The following CDHR2 variants were observed in gnomAD, a reference collection of about 807,000 sequenced individuals.
CDHR2 encodes cadherin related family member 2.
CDHR2 carries 104 observed loss-of-function variants against 138.6 expected under a neutral mutation model. The observed-to-expected ratio is 0.75, with a 90% CI of 0.64 to 0.88. The LOEUF is 0.88. CDHR2 is among the 40% of genes least tolerant of loss of function. The pLI is 0.00. For missense variants in CDHR2, 1,624 were observed against 1,727.6 expected (o/e 0.94, Z 1.06); for synonymous variants, 755 against 742.8 (o/e 1.02, Z -0.27).
intron 1 of CDHR2, among the ~76,000 whole-genome samples, chr5:176,550,723 T>C (rs1581127678): frequency 6.6e-6 from 1 of 152,134 alleles, no homozygotes; most frequent in South Asian, 2.1e-4. Context: ...CGTGGCTGAG[T>C]GCACCCCGGG....
chr5:176,572,880 C>T (rs1218036158), intron 6 of CDHR2, among the ~76,000 whole-genome samples: 1 of 152,198 alleles, frequency 6.6e-6, no homozygotes, highest in Non-Finnish European at 1.5e-5. Flanking sequence ...AGCAGCTCAC[C>T]TTCTAGGGAA....
intron 30 of CDHR2, 78 bp downstream of exon 30, chr5:176,591,562 GTGGTGATGA>G (rs1269936455): frequency 3.4e-5 from 37 of 1,092,116 alleles, no homozygotes; most frequent in Non-Finnish European, 4.8e-5. Context: ...GATGGTGTTG[GTGGTGATGA>G]TGGTGATGAC....
rs759639452 is a variant in CDHR2 at position 176,576,186 on chromosome 5, G to T, written c.1194+1G>T. ...CATGGTGGTCTACGACCCGGACAAG[G>T]CAGGCGTGGTGGCGTGGGTGTGGGC... is the stretch of plus-strand genomic sequence containing the variant. On this transcript the variant is annotated splice_donor_variant, in intron 12 of 31. Coordinates refer to ENST00000261944, the MANE Select transcript of CDHR2 (RefSeq NM_017675.6). LOFTEE classifies it high-confidence loss of function. This position sits in a 1 kb window ranked among gnomAD's most constrained non-coding sequence, Gnocchi z 4.5. 3 of 1,606,022 alleles carry T rather than the reference G, an allele frequency of 1.9e-6. No homozygotes were observed. The African/African-American group carries it at 4.0e-5, about 21-fold the overall frequency.
chr5:176,581,318 G>T lies in CDHR2; in HGVS notation c.1819-25G>T. 4 of 1,609,590 alleles carry T rather than the reference G, an allele frequency of 2.5e-6. No individual in the cohort carries two copies. The South Asian group carries it at 3.3e-5, about 13-fold the overall frequency. Reference sequence around the variant, plus strand: ...GGGGCTGGGAATGCCGATGGCCGATGACCAACCCCTGCTTACGTGCACAGG... The same window carrying T: ...GGGGCTGGGAATGCCGATGGCCGATTACCAACCCCTGCTTACGTGCACAGG... On this transcript the variant is annotated intron_variant, in intron 16 of 31. Transcript: ENST00000261944.
At chr5:176,582,460 G>T (rs1758554489) in intron 17 of CDHR2, among the ~76,000 whole-genome samples, 2 of 152,198 alleles carry the variant, frequency 1.3e-5, no homozygotes, top group African/African-American at 4.8e-5. Context: ...AAGTCACTGA[G>T]CCCGGTTTAT....
chr5:176,594,320 G>A (rs1325206824), intron 31 of CDHR2, among the ~76,000 whole-genome samples: 1 of 152,160 alleles, frequency 6.6e-6, no homozygotes, highest in Non-Finnish European at 1.5e-5. Flanking sequence ...GGGCCTTTTT[G>A]GGAGCTGTCT....
intron 16 of CDHR2, among the ~76,000 whole-genome samples, chr5:176,579,231 A>T (rs1343946105): frequency 6.6e-6 from 1 of 152,222 alleles, no homozygotes; most frequent in Admixed American, 6.5e-5. Flanking sequence ...AGGTCCTCAG[A>T]GTGACAATCT....
At chr5:176,587,175 C>T (rs550784950) in intron 21 of CDHR2, among the ~76,000 whole-genome samples, 26 of 152,186 alleles carry the variant, frequency 1.7e-4, no homozygotes, top group African/African-American at 1.4e-4. Flanking sequence ...CAGCTGGGCA[C>T]GGTGGCTCAA....
At chr5:176,569,324 C>G (rs1186449756) in intron 5 of CDHR2, among the ~76,000 whole-genome samples, 1 of 148,530 alleles carries the variant, frequency 6.7e-6, no homozygotes, top group Non-Finnish European at 1.5e-5. Context: ...CGCTCTGTCG[C>G]CCAGGCTGGA....
chr5:176,582,351 T>C (rs565522413), intron 17 of CDHR2, among the ~76,000 whole-genome samples: 20 of 152,292 alleles, frequency 1.3e-4, no homozygotes, highest in Non-Finnish European at 2.1e-4. Context: ...TTATTTTTCA[T>C]AGAATCAGAG....
chr5:176,565,399 T>C lies in CDHR2; in HGVS notation c.47T>C (p.Val16Ala). The C allele has an allele frequency of 5.0e-6, 8 of 1,613,964 alleles. No individual in the cohort carries two copies. The highest frequency in any genetic ancestry group is 6.8e-6 in the Non-Finnish European group (8 of 1,179,896). Residue 16 changes from valine to alanine, a missense_variant, in exon 2 of 32, where the codon GTG becomes GCG. Val to Ala is a moderately conservative substitution (Grantham distance 64). Coordinates refer to ENST00000261944, the MANE Select transcript of CDHR2 (RefSeq NM_017675.6). ...TGCTTCCTCCTTCCTGCCCTCGTGGTGTCTGGTAGGTGTCTCCCCTCCCCA... is the reference window on the plus strand; with the variant it reads ...TGCTTCCTCCTTCCTGCCCTCGTGGCGTCTGGTAGGTGTCTCCCCTCCCCA... ...LSCFLLPALV[V>A]SVAANVAPKF... is the part of the protein sequence containing the mutation.
chr5:176,590,512 G>A lies in CDHR2; in HGVS notation c.3414+27G>A, dbSNP rs752654596. ...TGAGTGCGGGCAGGGCGGGGCAGCA[G>A]GTGGGGCTGCTGAAGACGAGTGTGC... On this transcript the variant is annotated intron_variant, in intron 27 of 31. Transcript: ENST00000261944. 7 of 1,613,980 alleles carry A rather than the reference G, an allele frequency of 4.3e-6. No individual in the cohort carries two copies. The South Asian group carries it at 6.6e-5, about 15-fold the overall frequency.
downstream of CDHR2, chr5:176,595,872 G>A: frequency 4.1e-6 from 2 of 489,314 alleles, no homozygotes; most frequent in Non-Finnish European, 6.9e-6. Context: ...GGAGGGGTGG[G>A]GACGGGACAC....
chr5:176,560,808 A>G (rs6886938), intron 1 of CDHR2, among the ~76,000 whole-genome samples: 20,688 of 152,276 alleles, frequency 0.14, 3,101 homozygotes, highest in African/African-American at 0.38. Flanking sequence ...GCCAGCAGCT[A>G]TTTAAGATTG....
At chr5:176,562,623 G>A (rs1190205111) in intron 1 of CDHR2, among the ~76,000 whole-genome samples, 2 of 152,178 alleles carry the variant, frequency 1.3e-5, no homozygotes, top group South Asian at 2.1e-4. Context: ...AGGGTGCTTG[G>A]TAGTGTTAAC....
chr5:176,567,481 AT>A (rs1758112024), intron 3 of CDHR2, among the ~76,000 whole-genome samples: 1 of 146,648 alleles, frequency 6.8e-6, no homozygotes, highest in Admixed American at 6.8e-5. Context: ...CACCTGGCTA[AT>A]TTTTTATTTT....
chr5:176,563,689 G>A (rs1168728504), intron 1 of CDHR2, among the ~76,000 whole-genome samples: 1 of 152,102 alleles, frequency 6.6e-6, no homozygotes, highest in South Asian at 2.1e-4. Flanking sequence ...AAAGAGAAGG[G>A]TATAATGAGG....
rs1266890036 is a variant in CDHR2 at position 176,577,950 on chromosome 5, C to T, written c.1513-84C>T. On this transcript the variant is annotated intron_variant, in intron 14 of 31. Coordinates refer to ENST00000261944, the MANE Select transcript of CDHR2 (RefSeq NM_017675.6). ...GATTCTCCCTTTGTGTGAGGAAGCA[C>T]GACAGCTCTGTCCCCACGAGCTGCA... 2.2e-5 allele frequency: 34 copies of T among 1,512,030 alleles called. No homozygotes were observed. The Admixed American group carries it at 2.5e-4, about 11-fold the overall frequency. The allele number at this position is 1,512,030 out of a possible 1,614,324, so 93.7% of individuals were successfully genotyped here. A position where few individuals can be genotyped will look rare whatever the true frequency, so the allele number is the denominator to read the frequency against.
intron 21 of CDHR2, among the ~76,000 whole-genome samples, chr5:176,588,483 G>GGAA (rs1758734413): frequency 6.6e-6 from 1 of 150,398 alleles, no homozygotes; most frequent in Non-Finnish European, 1.5e-5. Context: ...GAGTGTGAGA[G>GGAA]GATAAGTGTG....
Sources: allele counts gnomAD v4.1 joint callset (sites outside exome capture counted in the v4.1 genomes callset), GRCh38; gene constraint gnomAD v4.1.1; non-coding constraint Gnocchi (gnomAD v3.1); transcripts MANE v1.5; gene names NCBI Gene and HGNC (gene_info 2026-07-23, HGNC 2026-07-21).